Variants in PRKCA observed in about 807,000 individuals in gnomAD.
PRKCA encodes protein kinase C alpha type.
In PRKCA, 27 loss-of-function variants were observed where a neutral mutation model predicts 87.0. The observed-to-expected ratio is 0.31, with a 90% confidence interval of 0.23 to 0.43. The LOEUF (loss-of-function observed/expected upper bound fraction) is 0.43, where lower values mean the gene tolerates loss of function less well. PRKCA is among the 20% of genes least tolerant of loss of function. The probability of loss-of-function intolerance (pLI) is 1.00; values close to 1 mark genes in which losing one functional copy is unlikely to be tolerated. For missense variants in PRKCA, 518 were observed against 852.3 expected, an observed-to-expected ratio of 0.61 and a Z score of 4.88; for synonymous variants, 329 against 311.1, an observed-to-expected ratio of 1.06 and a Z score of -0.61.
intron 5 of PRKCA, among the ~76,000 whole-genome samples, chr17:66,656,474 A>T (rs1971736061): frequency 1.3e-5 from 2 of 152,204 alleles, no homozygotes; most frequent in Non-Finnish European, 1.5e-5. Flanking sequence ...GCTTCTAATT[A>T]TAGGATTATC....
chr17:66,331,348 G>A (rs977518664), intron 2 of PRKCA, among the ~76,000 whole-genome samples: 1 of 152,166 alleles, frequency 6.6e-6, no homozygotes, highest in Non-Finnish European at 1.5e-5. Flanking sequence ...AGACTCTGAT[G>A]TGGCTACTAT....
chr17:66,714,270 C>G (rs566692245), intron 8 of PRKCA, among the ~76,000 whole-genome samples: 1 of 151,796 alleles, frequency 6.6e-6, no homozygotes, highest in Admixed American at 6.6e-5. Flanking sequence ...TCCACGCCCC[C>G]CTCAAGCTGC....
chr17:66,650,353 C>T (rs544834743), intron 5 of PRKCA, among the ~76,000 whole-genome samples: 47 of 137,986 alleles, frequency 3.4e-4, no homozygotes, highest in African/African-American at 8.1e-5. Context: ...AGAATGGTGT[C>T]GGGGTTTTTT....
At chr17:66,561,322 G>A (rs1010225224) in intron 3 of PRKCA, among the ~76,000 whole-genome samples, 17 of 152,246 alleles carry the variant, frequency 1.1e-4, no homozygotes, top group African/African-American at 2.6e-4. Flanking sequence ...TTCCTTGTCC[G>A]TGTGTGAAAC....
intron 5 of PRKCA, among the ~76,000 whole-genome samples, chr17:66,653,022 T>TGGCCCCC (rs1428734316): frequency 1.3e-5 from 2 of 152,216 alleles, no homozygotes; most frequent in Non-Finnish European, 2.9e-5. Flanking sequence ...CCCTGGCCCC[T>TGGCCCCC]GGCCCCCGTT....
At chr17:66,536,716 C>T (rs1967798533) in intron 3 of PRKCA, among the ~76,000 whole-genome samples, 1 of 152,200 alleles carries the variant, frequency 6.6e-6, no homozygotes, top group South Asian at 2.1e-4. Flanking sequence ...GTAAGGAGAG[C>T]TAACGAGACA....
At chr17:66,541,345 A>C (rs1380062485) in intron 3 of PRKCA, among the ~76,000 whole-genome samples, 1 of 152,208 alleles carries the variant, frequency 6.6e-6, no homozygotes, top group African/African-American at 2.4e-5. Context: ...TGTTCTTGAA[A>C]GAAATGAGGG....
chr17:66,555,083 G>A (rs1054146522), intron 3 of PRKCA, among the ~76,000 whole-genome samples: 3 of 152,046 alleles, frequency 2.0e-5, no homozygotes, highest in African/African-American at 4.8e-5. Flanking sequence ...TCACCCTGTT[G>A]CCCAGGCTCG....
intron 2 of PRKCA, among the ~76,000 whole-genome samples, chr17:66,315,379 G>A (rs1441652671): frequency 2.0e-5 from 3 of 152,098 alleles, no homozygotes; most frequent in Non-Finnish European, 2.9e-5. Context: ...TAAGCCAGGT[G>A]TTCTGCTGCC....
intron 3 of PRKCA, among the ~76,000 whole-genome samples, chr17:66,582,781 C>A (rs1363376164): frequency 3.9e-5 from 6 of 152,144 alleles, no homozygotes; most frequent in Admixed American, 3.3e-4. Flanking sequence ...GCCCTTAAGT[C>A]AGCTCCTCTA....
intron 2 of PRKCA, among the ~76,000 whole-genome samples, chr17:66,340,969 AG>A (rs1907008549): frequency 6.6e-6 from 1 of 152,160 alleles, no homozygotes; most frequent in Non-Finnish European, 1.5e-5. Flanking sequence ...GTGTGGGGCC[AG>A]TTGAGTCCTT....
rs118138732 is a variant in PRKCA at position 66,450,054 on chromosome 17, A to G, written c.206-46147A>G. Among the ~76,000 whole-genome samples, 175 of 152,058 alleles carry G rather than the reference A, an allele frequency of 1.2e-3. 1 individual carries two copies. The East Asian group carries it at 0.025, about 22-fold the overall frequency. ...TTTAAGCATTGTTTATAGCCACAATAGAATGTCATTGGAAAGAGTGGAGGC... is the reference window on the plus strand; with the variant it reads ...TTTAAGCATTGTTTATAGCCACAATGGAATGTCATTGGAAAGAGTGGAGGC... On this transcript the variant is annotated intron_variant, in intron 2 of 16. Transcript: ENST00000413366.
chr17:66,684,984 G>T (rs16960009), intron 5 of PRKCA, among the ~76,000 whole-genome samples: 7,787 of 152,212 alleles, frequency 0.051, 265 homozygotes, highest in East Asian at 0.16. Context: ...GATACTCAGG[G>T]TTGATGTTTT....
At chr17:66,761,121 C>G (rs1974673102) in intron 13 of PRKCA, among the ~76,000 whole-genome samples, 2 of 152,106 alleles carry the variant, frequency 1.3e-5, no homozygotes, top group Non-Finnish European at 2.9e-5. Context: ...CCTGTAATCC[C>G]AACACTTTGG....
At chr17:66,688,882 T>C (rs1972701971) in intron 7 of PRKCA, 69 bp from the exon 8 acceptor site, 2 of 987,018 alleles carry the variant, frequency 2.0e-6, no homozygotes, top group African/African-American at 3.2e-5. Flanking sequence ...ACAAAACCGC[T>C]CGACTAGAGG....
intron 2 of PRKCA, among the ~76,000 whole-genome samples, chr17:66,481,485 A>G (rs1915772747): frequency 6.6e-6 from 1 of 151,940 alleles, no homozygotes; most frequent in Non-Finnish European, 1.5e-5. Flanking sequence ...ACGATTGAAT[A>G]CTTCCTCCTT....
intron 2 of PRKCA, among the ~76,000 whole-genome samples, chr17:66,316,436 G>A (rs77902445): frequency 0.057 from 8,598 of 152,174 alleles, 328 homozygotes; most frequent in Non-Finnish European, 0.083. Context: ...TTGTTCAACC[G>A]GTGGGCCGCA....
chr17:66,373,899 C>G (rs890812668), intron 2 of PRKCA, among the ~76,000 whole-genome samples: 1 of 152,152 alleles, frequency 6.6e-6, no homozygotes, highest in African/African-American at 2.4e-5. Flanking sequence ...TACTTATCAC[C>G]CCGGGAGCCC....
At chr17:66,550,249 G>T (rs1968284734) in intron 3 of PRKCA, among the ~76,000 whole-genome samples, 2 of 152,152 alleles carry the variant, frequency 1.3e-5, no homozygotes, top group African/African-American at 4.8e-5. Flanking sequence ...TCTCACAAAG[G>T]CTTCCCTTTG....
Sources: gnomAD v4.1 joint callset for allele counts (sites outside exome capture counted in the v4.1 genomes callset) on GRCh38, gnomAD v4.1.1 for gene constraint, MANE v1.5 for transcripts, NCBI Gene and HGNC (gene_info 2026-07-23, HGNC 2026-07-21) for gene names.